SIPA1L3: variants seen among roughly 807,000 people sequenced by gnomAD.
The protein encoded by SIPA1L3 is signal induced proliferation associated 1 like 3.
In SIPA1L3, 59 loss-of-function variants were observed where a neutral mutation model predicts 150.1. The ratio of observed to expected loss-of-function variants is 0.39; its 90% CI spans 0.32 to 0.49. The LOEUF (loss-of-function observed/expected upper bound fraction) is 0.49, where lower values mean the gene tolerates loss of function less well. Ranked by LOEUF, SIPA1L3 falls within the 20% of genes least tolerant of loss-of-function variation. The pLI is 0.86. For synonymous variants in SIPA1L3, 1,070 were observed against 1,077.6 expected, an observed-to-expected ratio of 0.99 and a Z score of 0.14; for missense variants, 2,211 against 2,489.5, an observed-to-expected ratio of 0.89 and a Z score of 2.38.
intron 1 of SIPA1L3, among the ~76,000 whole-genome samples, chr19:38,000,805 A>G (rs1379379203): frequency 2.0e-5 from 3 of 148,526 alleles, no homozygotes; most frequent in African/African-American, 7.4e-5. Context: ...ATGTCTTAAC[A>G]GTGGTTGCCC....
intron 8 of SIPA1L3, among the ~76,000 whole-genome samples, chr19:38,111,585 G>A (rs558724139): frequency 4.6e-5 from 7 of 152,338 alleles, no homozygotes; most frequent in African/African-American, 9.6e-5. Flanking sequence ...AAATTACCGC[G>A]GGTCTACCAG....
At chr19:38,073,435 C>T (rs887541376) in intron 2 of SIPA1L3, among the ~76,000 whole-genome samples, 1 of 152,226 alleles carries the variant, frequency 6.6e-6, no homozygotes, top group Non-Finnish European at 1.5e-5. Context: ...TTCCGTTACT[C>T]GCAGCCAAAC....
At chr19:37,919,557 T>C (rs2046440337) in intron 1 of SIPA1L3, among the ~76,000 whole-genome samples, 1 of 152,176 alleles carries the variant, frequency 6.6e-6, no homozygotes, top group African/African-American at 2.4e-5. Flanking sequence ...ACACTCACTG[T>C]GTGGTCTTTC....
intron 1 of SIPA1L3, among the ~76,000 whole-genome samples, chr19:37,913,860 C>G (rs942789572): frequency 1.3e-5 from 2 of 151,336 alleles, no homozygotes; most frequent in African/African-American, 2.4e-5. Flanking sequence ...ACTAAAAATA[C>G]AAAAATTAGC....
intron 1 of SIPA1L3, among the ~76,000 whole-genome samples, chr19:37,989,121 G>A (rs1967434819): frequency 6.6e-6 from 1 of 152,190 alleles, no homozygotes. Flanking sequence ...TGATTGAGGA[G>A]GGAATGAGTG....
At chr19:37,994,435 C>T (rs955300865) in intron 1 of SIPA1L3, among the ~76,000 whole-genome samples, 14 of 152,036 alleles carry the variant, frequency 9.2e-5, no homozygotes, top group South Asian at 8.3e-4. Flanking sequence ...TGTTTTTCAG[C>T]GGTGGAAAGG....
intron 2 of SIPA1L3, among the ~76,000 whole-genome samples, chr19:38,064,705 A>C (rs1969532137): frequency 6.6e-6 from 1 of 152,238 alleles, no homozygotes; most frequent in Non-Finnish European, 1.5e-5. Context: ...TCTCAAAAAA[A>C]GAAGAAGAAA....
chr19:38,188,728 C>T (rs1026354204), intron 16 of SIPA1L3, among the ~76,000 whole-genome samples: 4 of 151,508 alleles, frequency 2.6e-5, no homozygotes, highest in Non-Finnish European at 5.9e-5. Context: ...CGAGACCATC[C>T]TGGCTAACAT....
chr19:38,108,282 G>C (rs889682570), intron 7 of SIPA1L3, among the ~76,000 whole-genome samples: 1 of 151,466 alleles, frequency 6.6e-6, no homozygotes, highest in Non-Finnish European at 1.5e-5. Flanking sequence ...TTGAGTCGTA[G>C]AGTTAAGAAG....
At chr19:38,204,562 G>A (rs191622386) in intron 21 of SIPA1L3, among the ~76,000 whole-genome samples, 49 of 152,248 alleles carry the variant, frequency 3.2e-4, no homozygotes, top group African/African-American at 1.1e-3. Context: ...TCAGGAGTTC[G>A]AGACCAGCCT....
chr19:38,011,030 T>C lies in SIPA1L3; in HGVS notation c.-378-18059T>C, dbSNP rs75356549. ...GAGAAGACATGGATGTGCGCAGATA[T>C]ATCTTATTTTTTCTTAGAGCTGCTA... On this transcript the variant is annotated intron_variant, in intron 1 of 21. Coordinates refer to ENST00000222345, the MANE Select transcript of SIPA1L3 (RefSeq NM_015073.3). Among the ~76,000 whole-genome samples the C allele has an allele frequency of 1.1e-3, 175 of 152,332 alleles. 1 individual carries two copies. The highest frequency in any genetic ancestry group is 4.0e-3 in the African/African-American group (167 of 41,574).
In SIPA1L3 at chr19:38,192,160, C is replaced by T. The variant is rs776333885; in HGVS notation, c.4446C>T (p.Asn1482=). 6.2e-7 allele frequency: 1 copy of T among 1,607,348 alleles called. No individual in the cohort carries two copies. Among genetic ancestry groups the T allele is most frequent in the East Asian group, 2.2e-5 (1 of 44,606 alleles). ...GTCATTCCAGGCAGGTGGACACGAA[C>T]ACCAAAAATGTCTTTGGGCAACCGA... ...FSDPKKQVDT[N]TKNVFGQPRL... The change falls in exon 17 of 22, where the codon AAC becomes AAT. Residue 1482 remains asparagine (N), a synonymous_variant. Transcript: ENST00000222345.
At chr19:38,022,717 AT>A (rs1968402636) in intron 1 of SIPA1L3, among the ~76,000 whole-genome samples, 1 of 151,924 alleles carries the variant, frequency 6.6e-6, no homozygotes, top group Admixed American at 6.5e-5. Context: ...CAAGAAAAAA[AT>A]AAATAAATAA....
intron 1 of SIPA1L3, among the ~76,000 whole-genome samples, chr19:38,027,353 G>T (rs1772108234): frequency 6.6e-6 from 1 of 152,180 alleles, no homozygotes. Context: ...GGAGTCCCTG[G>T]CATGAGAAAG....
chr19:38,045,540 C>T (rs909229147), intron 2 of SIPA1L3, among the ~76,000 whole-genome samples: 3 of 152,140 alleles, frequency 2.0e-5, no homozygotes, highest in South Asian at 4.2e-4. Context: ...CCACTGCACT[C>T]CAGCCTGGGT....
intron 2 of SIPA1L3, among the ~76,000 whole-genome samples, chr19:38,035,834 G>C (rs1197008565): frequency 6.6e-6 from 1 of 152,150 alleles, no homozygotes; most frequent in African/African-American, 2.4e-5. Flanking sequence ...CATGTTGGAG[G>C]TTAGGTGGCT....
rs901509872 is a variant in SIPA1L3, at chr19:38,164,923, A to G, written c.4208+17A>G. On this transcript the variant is annotated intron_variant, in intron 15 of 21. Coordinates refer to ENST00000222345, the MANE Select transcript of SIPA1L3 (RefSeq NM_015073.3). The surrounding 1 kb of genome is among the most constrained non-coding windows in gnomAD (Gnocchi z 4.1). Reference sequence around the variant, plus strand: ...GCAGCCCAGGTAAGCTGTTGCACCTAGTCTGGGTTCTAACCACCTTCCACT... The same window carrying G: ...GCAGCCCAGGTAAGCTGTTGCACCTGGTCTGGGTTCTAACCACCTTCCACT... 9.2e-6 allele frequency: 14 copies of G among 1,514,538 alleles called. No individual in the cohort carries two copies. The highest frequency in any genetic ancestry group is 4.3e-5 in the Admixed American group (2 of 47,020). The allele number at this position is 1,514,538 out of a possible 1,614,324, so 93.8% of individuals were successfully genotyped here.
chr19:37,927,521 C>CGT (rs144453861), intron 1 of SIPA1L3, among the ~76,000 whole-genome samples: 38,253 of 136,578 alleles, frequency 0.28, 5,535 homozygotes, highest in Non-Finnish European at 0.33. Flanking sequence ...GTCTGTTGTT[C>CGT]GTGTGTGTGT....
chr19:38,154,254 A>G (rs1357004010), intron 13 of SIPA1L3, among the ~76,000 whole-genome samples: 3 of 152,202 alleles, frequency 2.0e-5, no homozygotes, highest in Non-Finnish European at 4.4e-5. Context: ...CGTTGTATGA[A>G]TAAGCCACAA....
Sources: allele counts gnomAD v4.1 joint callset (sites outside exome capture counted in the v4.1 genomes callset), GRCh38; gene constraint gnomAD v4.1.1; non-coding constraint Gnocchi (gnomAD v3.1); transcripts MANE v1.5; gene names NCBI Gene and HGNC (gene_info 2026-07-23, HGNC 2026-07-21).